Variants in FAM110B observed in about 807,000 individuals in gnomAD.
FAM110B encodes the protein family with sequence similarity 110 member B, also known as protein FAM110B.
FAM110B carries 6 observed loss-of-function variants against 20.4 expected under a neutral mutation model. The ratio of observed to expected loss-of-function variants is 0.29; its 90% CI spans 0.16 to 0.58. The LOEUF (loss-of-function observed/expected upper bound fraction) is 0.58, where lower values mean the gene tolerates loss of function less well. Among genes scored for constraint, FAM110B ranks in the 20% least tolerant of loss-of-function variants. The probability of loss-of-function intolerance (pLI) is 0.90; values close to 1 mark genes in which losing one functional copy is unlikely to be tolerated. For missense variants in FAM110B, 434 were observed against 498.2 expected (o/e 0.87, Z 1.23); for synonymous variants, 226 against 214.1 (o/e 1.06, Z -0.49).
At chr8:58,078,915 C>T (rs1455852633) in intron 3 of FAM110B, among the ~76,000 whole-genome samples, 1 of 152,104 alleles carries the variant, frequency 6.6e-6, no homozygotes, top group Non-Finnish European at 1.5e-5. Flanking sequence ...CAACAACAAC[C>T]CTCGTGCATT....
intron 3 of FAM110B, among the ~76,000 whole-genome samples, chr8:58,077,880 C>T (rs879308788): frequency 5.3e-5 from 8 of 152,144 alleles, no homozygotes; most frequent in Admixed American, 2.0e-4. Flanking sequence ...ATCCTAACCC[C>T]GATACCTAAT....
chr8:58,142,999 C>T (rs1803775403), intron 3 of FAM110B, among the ~76,000 whole-genome samples: 1 of 152,100 alleles, frequency 6.6e-6, no homozygotes, highest in Non-Finnish European at 1.5e-5. Flanking sequence ...TCATGTGCCA[C>T]AGTGCTCTCT....
chr8:58,146,512 C>A lies in FAM110B; in HGVS notation c.282C>A (p.Gly94=), dbSNP rs1317816203. Residue 94 remains glycine, a synonymous_variant, in exon 4 of 4, where the codon GGC becomes GGA. Coordinates refer to ENST00000519262, the MANE Select transcript of FAM110B (RefSeq NM_001377989.1). ...PVCPAAKRAL[G]SPTLKVFGNH... is the part of the protein sequence containing the mutation. ...GCCCGGCTGCCAAGCGCGCACTGGG[C>A]AGCCCCACGCTCAAAGTGTTCGGCA... is the stretch of plus-strand genomic sequence containing the variant. 1.9e-6 allele frequency: 3 copies of A among 1,613,750 alleles called. No homozygotes were observed. The highest frequency in any genetic ancestry group is 1.7e-6 in the Non-Finnish European group (2 of 1,179,920).
At chr8:58,132,326 G>A (rs1312624278) in intron 3 of FAM110B, among the ~76,000 whole-genome samples, 1 of 152,114 alleles carries the variant, frequency 6.6e-6, no homozygotes, top group African/African-American at 2.4e-5. Flanking sequence ...GCAGGAAGGA[G>A]TTTTGCTGTG....
At chr8:58,126,960 A>T (rs1350065289) in intron 3 of FAM110B, among the ~76,000 whole-genome samples, 1 of 152,248 alleles carries the variant, frequency 6.6e-6, no homozygotes, top group Non-Finnish European at 1.5e-5. Flanking sequence ...GTCATATCAA[A>T]GAACCCTTCA....
At chr8:58,106,942 G>T (rs972995211) in intron 3 of FAM110B, among the ~76,000 whole-genome samples, 1 of 152,082 alleles carries the variant, frequency 6.6e-6, no homozygotes, top group African/African-American at 2.4e-5. Context: ...GAGTTTTAAC[G>T]CTTTGACAAA....
chr8:58,097,133 G>C (rs1159567969), intron 3 of FAM110B, among the ~76,000 whole-genome samples: 1 of 152,180 alleles, frequency 6.6e-6, no homozygotes, highest in African/African-American at 2.4e-5. Context: ...ACCCCTAAGA[G>C]TGTTTTCCAA....
At chr8:58,143,230 AG>A (rs2150644295) in intron 3 of FAM110B, among the ~76,000 whole-genome samples, 1 of 152,344 alleles carries the variant, frequency 6.6e-6, no homozygotes, top group South Asian at 2.1e-4. Flanking sequence ...GAAAACTTGG[AG>A]TATGCCTTAG....
At chr8:58,107,677 G>T (rs544909684) in intron 3 of FAM110B, among the ~76,000 whole-genome samples, 1 of 152,266 alleles carries the variant, frequency 6.6e-6, no homozygotes, top group South Asian at 2.1e-4. Context: ...AGCGCCTCTG[G>T]ATTATTTTTA....
At chr8:58,113,333 T>C (rs1313478714) in intron 3 of FAM110B, 3 of 215,772 alleles carry the variant, frequency 1.4e-5, no homozygotes, top group Non-Finnish European at 3.0e-5. Flanking sequence ...TGAATGCCCA[T>C]GTGGACAGTT....
At chr8:58,114,501 G>T (rs1043428409) in intron 3 of FAM110B, among the ~76,000 whole-genome samples, 3 of 152,142 alleles carry the variant, frequency 2.0e-5, no homozygotes, top group Non-Finnish European at 4.4e-5. Flanking sequence ...TCTTGAAATT[G>T]CTGCTCCAAG....
chr8:58,020,762 T>A (rs1002775924), intron 1 of FAM110B, among the ~76,000 whole-genome samples: 1 of 152,220 alleles, frequency 6.6e-6, no homozygotes, highest in African/African-American at 2.4e-5. Flanking sequence ...ATCAGAAGGC[T>A]TATTAGGAAA....
chr8:58,097,881 C>T (rs1044010703), intron 3 of FAM110B, among the ~76,000 whole-genome samples: 4 of 152,224 alleles, frequency 2.6e-5, no homozygotes, highest in Non-Finnish European at 5.9e-5. Flanking sequence ...TGGGTATCAC[C>T]AGCAGAGGCT....
chr8:58,007,242 C>G (rs991713546), intron 1 of FAM110B, among the ~76,000 whole-genome samples: 10 of 152,132 alleles, frequency 6.6e-5, no homozygotes, highest in African/African-American at 2.4e-4. Context: ...CACAGGTGCT[C>G]TGTCCTCATG....
intron 2 of FAM110B, among the ~76,000 whole-genome samples, chr8:58,052,409 T>C (rs1196300407): frequency 6.6e-6 from 1 of 152,128 alleles, no homozygotes; most frequent in Non-Finnish European, 1.5e-5. Flanking sequence ...ACATAGTAAA[T>C]AGTAGACTAA....
intron 3 of FAM110B, among the ~76,000 whole-genome samples, chr8:58,093,007 A>G (rs975593262): frequency 6.6e-6 from 1 of 152,052 alleles, no homozygotes; most frequent in Non-Finnish European, 1.5e-5. Flanking sequence ...GGGATGATGA[A>G]CTTTCCTTCA....
intron 3 of FAM110B, chr8:58,091,619 G>A (rs1806479818): frequency 6.6e-6 from 1 of 152,010 alleles, no homozygotes; most frequent in Non-Finnish European, 1.5e-5. Context: ...GATGGTCACT[G>A]GCAGACTGAA....
intron 1 of FAM110B, among the ~76,000 whole-genome samples, chr8:58,030,922 C>T (rs1804950730): frequency 6.6e-6 from 1 of 152,178 alleles, no homozygotes; most frequent in South Asian, 2.1e-4. Flanking sequence ...AGCTTTCCTC[C>T]AGGAGTCTCC....
At chr8:58,027,018 G>A (rs1471636312) in intron 1 of FAM110B, among the ~76,000 whole-genome samples, 1 of 152,134 alleles carries the variant, frequency 6.6e-6, no homozygotes, top group Non-Finnish European at 1.5e-5. Context: ...AGGTGCAACA[G>A]GGACAAGTGG....
Sources: allele counts gnomAD v4.1 joint callset (sites outside exome capture counted in the v4.1 genomes callset), GRCh38; gene constraint gnomAD v4.1.1; transcripts MANE v1.5; gene names NCBI Gene and HGNC (gene_info 2026-07-23, HGNC 2026-07-21).